The following TSPOAP1 variants were observed in gnomAD, a reference collection of about 807,000 sequenced individuals.
The protein encoded by TSPOAP1 is TSPO associated protein 1, also known as peripheral-type benzodiazepine receptor-associated protein 1.
TSPOAP1 carries 87 observed loss-of-function variants against 197.0 expected under a neutral mutation model. The observed-to-expected ratio is 0.44, with a 90% CI of 0.37 to 0.53. The LOEUF (loss-of-function observed/expected upper bound fraction) is 0.53. Ranked by LOEUF, TSPOAP1 falls within the 20% of genes least tolerant of loss-of-function variation. The probability of loss-of-function intolerance (pLI) is 0.00; values close to 1 mark genes in which losing one functional copy is unlikely to be tolerated. For missense variants in TSPOAP1, 2,174 were observed against 2,411.3 expected (o/e 0.90, Z 2.06); for synonymous variants, 913 against 998.9 (o/e 0.91, Z 1.62).
At chr17:58,317,261 T>G (rs1223889818) in intron 14 of TSPOAP1, among the ~76,000 whole-genome samples, 2 of 151,946 alleles carry the variant, frequency 1.3e-5, no homozygotes, top group African/African-American at 4.8e-5. Flanking sequence ...ACCCCAACTG[T>G]AAATCGCTGG....
rs1970983365 is a variant in TSPOAP1, at chr17:58,308,645, T to C, written c.4627A>G (p.Asn1543Asp). The change falls in exon 22 of 32, where the codon AAT becomes GAT. Residue 1543 changes from asparagine (N) to aspartate (D), a missense_variant. This residue lies in a region of TSPOAP1 where 1,933 missense variants were observed against 2,139.0 expected (regional missense o/e 0.90). Coordinates refer to ENST00000343736, the MANE Select transcript of TSPOAP1 (RefSeq NM_004758.4). The part of the protein sequence containing the change: ...VGRPRGPPKA[N>D]SGPKPYPRLP... ...CGTGGGTAGGGCTTGGGGCCTGAAT[T>C]GGCCTTCGGAGGCCCCCTGGGCCTT... 1.2e-6 allele frequency: 2 copies of C among 1,609,678 alleles called. No individual in the cohort carries two copies. Among genetic ancestry groups the C allele is most frequent in the African/African-American group, 2.7e-5 (2 of 74,868 alleles).
At position 58,324,152 on chromosome 17, in the gene TSPOAP1, C is replaced by G. The variant is rs1009645392; in HGVS notation, c.943-607G>C. On this transcript the variant is annotated intron_variant, in intron 5 of 31. Transcript: ENST00000343736. The surrounding 1 kb of genome is among the most constrained non-coding windows in gnomAD (Gnocchi z 5.8). Reference sequence around the variant, plus strand: ...AGGGAGACAAAATCTGAGCAAGAAGCCTCCCCCCACCCGGAGGTCTTGGTC... The same window carrying G: ...AGGGAGACAAAATCTGAGCAAGAAGGCTCCCCCCACCCGGAGGTCTTGGTC... Among the ~76,000 whole-genome samples the G allele has an allele frequency of 3.9e-5, 6 of 152,182 alleles. No homozygotes were observed. Among genetic ancestry groups the G allele is most frequent in the African/African-American group, 1.4e-4 (6 of 41,448 alleles).
Position 58,308,767 on chromosome 17 carries a change from T to C in TSPOAP1, c.4505A>G (p.Asp1502Gly). The C allele has an allele frequency of 6.2e-7, 1 of 1,613,036 alleles. No individual in the cohort carries two copies. The highest frequency in any genetic ancestry group is 2.2e-5 in the East Asian group (1 of 44,872). Residue 1502 changes from aspartate to glycine, a missense_variant, in exon 22 of 32, where the codon GAT (aspartate) becomes GGT (glycine). Asp to Gly is a moderately conservative substitution (Grantham distance 94). Around this residue, in one of 5 missense-constraint regions of TSPOAP1, gnomAD observed 1,933 missense variants for 2,139.0 expected, o/e 0.90. Coordinates refer to ENST00000343736, the MANE Select transcript of TSPOAP1 (RefSeq NM_004758.4). ...PKCLEISIEYDSEDEQEAGSG... is the reference protein window; with the variant it reads ...PKCLEISIEYGSEDEQEAGSG... ...GCCCGCCTCCTGCTCATCCTCCGAA[T>C]CATATTCAATGCTGATTTCCAAGCA...
rs771018823 is a variant in TSPOAP1, at chr17:58,311,675, G to T, written c.2977C>A (p.Pro993Thr). 2 of 1,608,986 alleles carry T rather than the reference G, an allele frequency of 1.2e-6. No individual in the cohort carries two copies. Among genetic ancestry groups the T allele is most frequent in the Non-Finnish European group, 1.7e-6 (2 of 1,176,788 alleles). ...LDVQIEPGPS[P>T]GILIISWLPV... ...AGCCAACTGATGATCAAGATCCCAG[G>T]GGAGGGCCCAGGCTCGATCTGCACA... Residue 993 changes from proline to threonine, a missense_variant, in exon 18 of 32, where the codon CCT (proline) becomes ACT (threonine). By Grantham distance (38) the Pro-to-Thr change is conservative (BLOSUM62 -1). Coordinates refer to ENST00000343736, the MANE Select transcript of TSPOAP1 (RefSeq NM_004758.4).
In TSPOAP1 at chr17:58,305,497, C is replaced by T. The variant is rs1970855680; in HGVS notation, c.5362-39G>A. ...GAGGAGGGCATCAGGCCCAGGAAGGCTCTGCCACCGCCCTTTGCTGGGCTC... is the reference window on the plus strand; with the variant it reads ...GAGGAGGGCATCAGGCCCAGGAAGGTTCTGCCACCGCCCTTTGCTGGGCTC... On this transcript the variant is annotated intron_variant, in intron 28 of 31. Transcript: ENST00000343736. 3.7e-6 allele frequency: 6 copies of T among 1,612,724 alleles called. No individual in the cohort carries two copies. In the South Asian group the frequency reaches 6.6e-5, roughly 18 times the overall value.
chr17:58,317,721 G>T (rs1194758355), intron 14 of TSPOAP1, among the ~76,000 whole-genome samples: 1 of 152,214 alleles, frequency 6.6e-6, no homozygotes, highest in African/African-American at 2.4e-5. Flanking sequence ...CAGGAGCTTA[G>T]TAATAATAAC....
At chr17:58,305,769 G>A (rs1175199733) in intron 27 of TSPOAP1, 64 bp downstream of exon 27, 3 of 1,597,902 alleles carry the variant, frequency 1.9e-6, no homozygotes. Flanking sequence ...AATGGGGCGA[G>A]GCCAGAGGGG....
chr17:58,319,691 C>T (rs1971344996), intron 12 of TSPOAP1, among the ~76,000 whole-genome samples: 1 of 152,268 alleles, frequency 6.6e-6, no homozygotes. Context: ...CAATCAGCAA[C>T]TCAAACCCGT....
chr17:58,323,484 T>A lies in TSPOAP1; in HGVS notation c.1004A>T (p.Gln335Leu), dbSNP rs746227169. The change falls in exon 6 of 32, where the codon CAG becomes CTG. Residue 335 changes from glutamine (Q) to leucine (L), a missense_variant. Gln to Leu is a moderately radical substitution (Grantham distance 113). Coordinates refer to ENST00000343736, the MANE Select transcript of TSPOAP1 (RefSeq NM_004758.4). ...AGGACTTACCAGCTGCTGCACCCTC[T>A]GCTCTTTCTCTGGCTCCCCTAGAAT... ...PVILGEPEKEQRVQQLESELS... is the reference protein window; with the variant it reads ...PVILGEPEKELRVQQLESELS... The A allele has an allele frequency of 2.5e-6, 4 of 1,614,086 alleles. No individual in the cohort carries two copies. In the African/African-American group the frequency reaches 5.3e-5, roughly 22 times the overall value.
intron 19 of TSPOAP1, 21 bp downstream of exon 19, chr17:58,310,815 C>T (rs1483003524): frequency 1.1e-5 from 18 of 1,577,190 alleles, no homozygotes; most frequent in Non-Finnish European, 1.6e-5. Context: ...GCACCTGCTC[C>T]CCTCTCCCCA....
Position 58,302,317 on chromosome 17 carries a change from G to C in TSPOAP1, c.*163C>G. Reference sequence around the variant, plus strand: ...CCTCCTGAGGAGCTGCTTCCCCTTGGAGAAGAAACCCCACACCTTCTCGCT... The same window carrying C: ...CCTCCTGAGGAGCTGCTTCCCCTTGCAGAAGAAACCCCACACCTTCTCGCT... On this transcript the variant is annotated 3_prime_UTR_variant, in exon 32 of 32. Coordinates refer to ENST00000343736, the MANE Select transcript of TSPOAP1 (RefSeq NM_004758.4). 1 of 1,289,654 alleles carries C rather than the reference G, an allele frequency of 7.8e-7. No homozygotes were observed. The highest frequency in any genetic ancestry group is 1.0e-6 in the Non-Finnish European group (1 of 988,816). 79.9% of individuals were successfully genotyped at this position (1,289,654 alleles called of 1,614,324 possible). A position where few individuals can be genotyped will look rare whatever the true frequency, so the allele number is the denominator to read the frequency against.
rs1197357915 is a variant in TSPOAP1, at chr17:58,308,840, G to A, written c.4432C>T (p.Arg1478Cys). 4.3e-6 allele frequency: 7 copies of A among 1,611,462 alleles called. No individual in the cohort carries two copies. The highest frequency in any genetic ancestry group is 1.1e-5 in the South Asian group (1 of 90,970). Residue 1478 changes from arginine to cysteine, a missense_variant, in exon 22 of 32, where the codon CGT becomes TGT. Coordinates refer to ENST00000343736, the MANE Select transcript of TSPOAP1 (RefSeq NM_004758.4). ...GRLGPSRRCS[R>C]GRALEPGLAS... ...AGGCCAGGCTCCAGCGCCCGGCCACGGGAGCACCTCCGGGAAGGGCCCAGC... is the reference window on the plus strand; with the variant it reads ...AGGCCAGGCTCCAGCGCCCGGCCACAGGAGCACCTCCGGGAAGGGCCCAGC...
intron 12 of TSPOAP1, among the ~76,000 whole-genome samples, 189 bp from the exon 13 acceptor site, chr17:58,319,483 C>T (rs866844053): frequency 6.6e-6 from 1 of 152,196 alleles, no homozygotes; most frequent in African/African-American, 2.4e-5. Flanking sequence ...AAGTCCTGGG[C>T]TGTGTCCTGG....
chr17:58,327,818 G>T lies in TSPOAP1; in HGVS notation c.103C>A (p.Pro35Thr). 1 of 1,614,106 alleles carries T rather than the reference G, an allele frequency of 6.2e-7. No individual in the cohort carries two copies. Among genetic ancestry groups the T allele is most frequent in the Non-Finnish European group, 8.5e-7 (1 of 1,180,020 alleles). ...HSWTPGRGGE[P>T]SSAAPSIADT... ...GCGATGCTTGGGGCTGCACTGCTAG[G>T]TTCACCCCCTCGACCTGGAGTCCAG... The change falls in exon 1 of 32, where the codon CCT (proline) becomes ACT (threonine). Residue 35 changes from proline to threonine, a missense_variant. Pro to Thr is a conservative substitution (Grantham distance 38). This residue lies in a region of TSPOAP1 where 1,933 missense variants were observed against 2,139.0 expected (regional missense o/e 0.90). Coordinates refer to ENST00000343736, the MANE Select transcript of TSPOAP1 (RefSeq NM_004758.4).
rs1429042694 is a variant in TSPOAP1 at position 58,312,473 on chromosome 17, T to G, written c.2348A>C (p.Glu783Ala). The G allele has an allele frequency of 1.2e-6, 2 of 1,610,002 alleles. No homozygotes were observed. The highest frequency in any genetic ancestry group is 3.3e-5 in the Admixed American group (2 of 59,738). The change falls in exon 17 of 32, where the codon GAG becomes GCG. Residue 783 changes from glutamate (E) to alanine (A), a missense_variant. Physicochemically the swap from Glu to Ala is moderately radical, Grantham distance 107 (BLOSUM62 -1). Transcript: ENST00000343736. ...GDELSLSPSP[E>A]GLGEPPAVPY... ...CACGGCAGGAGGCTCGCCCAGGCCC[T>G]CCGGTGATGGGCTCAGACTGAGCTC...
rs117451342 is a variant in TSPOAP1 at position 58,311,366 on chromosome 17, A to G, written c.3082-153T>C. On this transcript the variant is annotated intron_variant, in intron 18 of 31. Transcript: ENST00000343736. ...CCCTCTGCATGGCCTATCTCATTTC[A>G]TCCTCCTGGCCATATGGCTTCAGTG... 831 of 1,280,448 alleles carry G rather than the reference A, an allele frequency of 6.5e-4. 3 individuals are homozygous for G. Among genetic ancestry groups the G allele is most frequent in the Admixed American group, 1.3e-3 (47 of 37,386 alleles). 79.3% of individuals were successfully genotyped at this position (1,280,448 alleles called of 1,614,324 possible). A position where few individuals can be genotyped will look rare whatever the true frequency, so the allele number is the denominator to read the frequency against.
Position 58,302,319 on chromosome 17 carries a change from G to A in TSPOAP1, c.*161C>T, listed in dbSNP as rs1268566066. On this transcript the variant is annotated 3_prime_UTR_variant, in exon 32 of 32. Coordinates refer to ENST00000343736, the MANE Select transcript of TSPOAP1 (RefSeq NM_004758.4). ...TCCTGAGGAGCTGCTTCCCCTTGGA[G>A]AAGAAACCCCACACCTTCTCGCTTC... The A allele has an allele frequency of 1.6e-6, 2 of 1,289,570 alleles. No individual in the cohort carries two copies. The highest frequency in any genetic ancestry group is 3.0e-5 in the African/African-American group (2 of 65,860). The allele number at this position is 1,289,570 out of a possible 1,614,324, so 79.9% of individuals were successfully genotyped here. A position where few individuals can be genotyped will look rare whatever the true frequency, so the allele number is the denominator to read the frequency against.
chr17:58,323,886 G>GTGTC lies in TSPOAP1; in HGVS notation c.943-345_943-342dup, dbSNP rs543773308. 2.5e-4 allele frequency among the ~76,000 whole-genome samples: 38 copies of GTGTC among 152,342 alleles called. No homozygotes were observed. In the East Asian group the frequency reaches 6.6e-3, roughly 26 times the overall value. On this transcript the variant is annotated intron_variant, in intron 5 of 31. Transcript: ENST00000343736. ...GCTCTGCACTCAATAACTGTCCTGG[G>GTGTC]TGTCCTTCAGCGACTGGCAGAGAAC...
At chr17:58,323,266 A>T (rs1183325547) in intron 7 of TSPOAP1, 32 bp downstream of exon 7, 1 of 1,612,482 alleles carries the variant, frequency 6.2e-7, no homozygotes, top group Non-Finnish European at 8.5e-7. Flanking sequence ...TGAAGGGAGG[A>T]GCTGGCCTCT....
Sources: allele counts gnomAD v4.1 joint callset (sites outside exome capture counted in the v4.1 genomes callset), GRCh38; gene constraint gnomAD v4.1.1; regional missense constraint gnomAD v4.1.1; non-coding constraint Gnocchi (gnomAD v3.1); transcripts MANE v1.5; gene names NCBI Gene and HGNC (gene_info 2026-07-23, HGNC 2026-07-21).